PTPRN2: variants seen among roughly 807,000 people sequenced by gnomAD.
PTPRN2 encodes protein tyrosine phosphatase receptor type N2.
Under a neutral mutation model 118.8 loss-of-function variants are expected in PTPRN2, and 74 were observed. The observed-to-expected ratio is 0.62, with a 90% CI of 0.52 to 0.76. PTPRN2 has a LOEUF of 0.76. PTPRN2 is among the 30% of genes least tolerant of loss of function. The probability of loss-of-function intolerance (pLI) is 0.00; values close to 1 mark genes in which losing one functional copy is unlikely to be tolerated. For missense variants in PTPRN2, 1,481 were observed against 1,394.4 expected (o/e 1.06, Z -0.99); for synonymous variants, 641 against 608.0 (o/e 1.05, Z -0.80).
chr7:158,124,417 A>G (rs1378366089), intron 9 of PTPRN2, among the ~76,000 whole-genome samples: 1 of 152,222 alleles, frequency 6.6e-6, no homozygotes, highest in East Asian at 1.9e-4. Flanking sequence ...AACATCCTTA[A>G]AAGGACAGCG....
At chr7:158,577,181 C>A (rs1172253983) in intron 1 of PTPRN2, among the ~76,000 whole-genome samples, 1 of 123,460 alleles carries the variant, frequency 8.1e-6, no homozygotes, top group African/African-American at 3.3e-5. Flanking sequence ...GGCTCCCCAC[C>A]CTGCCTGATG....
chr7:158,360,028 C>T (rs1468688769), intron 2 of PTPRN2, among the ~76,000 whole-genome samples: 1 of 150,360 alleles, frequency 6.7e-6, no homozygotes, highest in East Asian at 2.0e-4. Flanking sequence ...CCCAGACAAC[C>T]CACAGATCCC....
chr7:157,823,215 C>A (rs1310280415), intron 12 of PTPRN2, among the ~76,000 whole-genome samples: 1 of 152,132 alleles, frequency 6.6e-6, no homozygotes, highest in Admixed American at 6.5e-5. Flanking sequence ...CTAATAATCA[C>A]CTAAAATATT....
At chr7:157,959,359 C>T (rs376007772) in intron 11 of PTPRN2, among the ~76,000 whole-genome samples, 26 of 152,296 alleles carry the variant, frequency 1.7e-4, no homozygotes, top group Middle Eastern at 3.4e-3. Flanking sequence ...AAACAAATTG[C>T]ACTTTATTGC....
At chr7:158,206,531 G>C (rs1276125821) in intron 3 of PTPRN2, among the ~76,000 whole-genome samples, 1 of 152,118 alleles carries the variant, frequency 6.6e-6, no homozygotes, top group Non-Finnish European at 1.5e-5. Context: ...AGAGGTGCTT[G>C]TGTCACCCGT....
In PTPRN2 at chr7:157,598,019, C is replaced by T. The variant is rs1404319799; in HGVS notation, c.2419-2704G>A. On this transcript the variant is annotated intron_variant, in intron 16 of 22. Coordinates refer to ENST00000389418, the MANE Select transcript of PTPRN2 (RefSeq NM_002847.5). This position sits in a 1 kb window ranked among gnomAD's most constrained non-coding sequence, Gnocchi z 5.2. Reference sequence around the variant, plus strand: ...CAGCCTCCTTGTGGTCTCACGCAGGCTTCGAGGAAAAGTCAAGCAAATACT... The same window carrying T: ...CAGCCTCCTTGTGGTCTCACGCAGGTTTCGAGGAAAAGTCAAGCAAATACT... Among the ~76,000 whole-genome samples, 3 of 152,248 alleles carry T rather than the reference C, an allele frequency of 2.0e-5. No individual in the cohort carries two copies. The East Asian group carries it at 5.8e-4, about 29-fold the overall frequency.
intron 1 of PTPRN2, among the ~76,000 whole-genome samples, chr7:158,566,193 A>T (rs1284810207): frequency 6.6e-6 from 1 of 152,106 alleles, no homozygotes; most frequent in Non-Finnish European, 1.5e-5. Context: ...TCTTTACTAA[A>T]AATACAAAAA....
At chr7:157,945,851 G>C (rs1800454339) in intron 11 of PTPRN2, among the ~76,000 whole-genome samples, 1 of 152,078 alleles carries the variant, frequency 6.6e-6, no homozygotes, top group African/African-American at 2.4e-5. Flanking sequence ...CCTGGCTTCA[G>C]TTGTCCCATC....
At chr7:158,102,845 G>A (rs187647663) in intron 10 of PTPRN2, among the ~76,000 whole-genome samples, 2 of 152,188 alleles carry the variant, frequency 1.3e-5, no homozygotes, top group Non-Finnish European at 2.9e-5. Flanking sequence ...GAGAAAGACA[G>A]CACACGGCTA....
At chr7:158,468,821 T>C (rs1819568479) in intron 2 of PTPRN2, among the ~76,000 whole-genome samples, 1 of 151,630 alleles carries the variant, frequency 6.6e-6, no homozygotes, top group South Asian at 2.1e-4. Flanking sequence ...CCACGCACAC[T>C]CCCGATCAAC....
chr7:158,334,420 G>C (rs868113075), intron 2 of PTPRN2, among the ~76,000 whole-genome samples: 1 of 57,216 alleles, frequency 1.7e-5, no homozygotes, highest in African/African-American at 7.5e-5. Flanking sequence ...GAAACCTGCA[G>C]ACGTCACTCA....
rs1336678366 is a variant in PTPRN2, at chr7:158,529,449, G to A, written c.113-39664C>T. Among the ~76,000 whole-genome samples the A allele has an allele frequency of 6.6e-6, 1 of 152,220 alleles. No individual in the cohort carries two copies. The highest frequency in any genetic ancestry group is 6.5e-5 in the Admixed American group (1 of 15,286). On this transcript the variant is annotated intron_variant, in intron 1 of 22. Coordinates refer to ENST00000389418, the MANE Select transcript of PTPRN2 (RefSeq NM_002847.5). This position sits in a 1 kb window ranked among gnomAD's most constrained non-coding sequence, Gnocchi z 4.7. ...GGACACCCCCAAGGACAGGGAAGGTGCTGCTGACCACGGCCAGCAACGACG... is the reference window on the plus strand; with the variant it reads ...GGACACCCCCAAGGACAGGGAAGGTACTGCTGACCACGGCCAGCAACGACG...
chr7:157,598,238 C>T lies in PTPRN2; in HGVS notation c.2419-2923G>A, dbSNP rs1050288381. Among the ~76,000 whole-genome samples the T allele has an allele frequency of 1.9e-4, 29 of 152,340 alleles. No homozygotes were observed. The highest frequency in any genetic ancestry group is 6.7e-4 in the African/African-American group (28 of 41,580). ...ACACGGCACCTACTCTGGCTTCCTCCGGTCTTCATTCTTACCCTTCGCCTC... is the reference window on the plus strand; with the variant it reads ...ACACGGCACCTACTCTGGCTTCCTCTGGTCTTCATTCTTACCCTTCGCCTC... On this transcript the variant is annotated intron_variant, in intron 16 of 22. Coordinates refer to ENST00000389418, the MANE Select transcript of PTPRN2 (RefSeq NM_002847.5). This position sits in a 1 kb window ranked among gnomAD's most constrained non-coding sequence, Gnocchi z 5.2.
chr7:158,496,187 C>A (rs1266079937), intron 1 of PTPRN2, among the ~76,000 whole-genome samples: 1 of 91,616 alleles, frequency 1.1e-5, no homozygotes, highest in Non-Finnish European at 2.7e-5. Context: ...GGGACAACCC[C>A]TGCAGTGTCC....
intron 12 of PTPRN2, among the ~76,000 whole-genome samples, chr7:157,803,465 T>C (rs919593458): frequency 6.6e-6 from 1 of 152,230 alleles, no homozygotes; most frequent in African/African-American, 2.4e-5. Context: ...TCACATTTGC[T>C]TCTGTTGCTT....
At chr7:158,413,545 T>C (rs1260459328) in intron 2 of PTPRN2, among the ~76,000 whole-genome samples, 2 of 152,204 alleles carry the variant, frequency 1.3e-5, no homozygotes, top group African/African-American at 4.8e-5. Flanking sequence ...TCCTTAACCT[T>C]TTCCGACTCC....
chr7:157,716,027 G>T (rs1443619528), intron 12 of PTPRN2, among the ~76,000 whole-genome samples: 3 of 152,262 alleles, frequency 2.0e-5, no homozygotes, highest in Non-Finnish European at 2.9e-5. Flanking sequence ...CAAAACTAGG[G>T]ATGGGAACCA....
At chr7:157,844,252 C>T (rs770213320) in intron 12 of PTPRN2, among the ~76,000 whole-genome samples, 11 of 152,144 alleles carry the variant, frequency 7.2e-5, no homozygotes, top group East Asian at 3.9e-4. Flanking sequence ...CTGGCCTTGG[C>T]GGGTGGTGAG....
At chr7:157,781,240 AC>A (rs1467399036) in intron 12 of PTPRN2, among the ~76,000 whole-genome samples, 2 of 152,136 alleles carry the variant, frequency 1.3e-5, no homozygotes, top group Admixed American at 6.5e-5. Flanking sequence ...GATATATTAC[AC>A]ATGGGCTAGT....
Sources: gnomAD v4.1 joint callset for allele counts (sites outside exome capture counted in the v4.1 genomes callset) on GRCh38, gnomAD v4.1.1 for gene constraint, Gnocchi (gnomAD v3.1) non-coding constraint, MANE v1.5 for transcripts, NCBI Gene and HGNC (gene_info 2026-07-23, HGNC 2026-07-21) for gene names.